PHLPP1: variants seen among roughly 807,000 people sequenced by gnomAD.
PHLPP1 encodes the protein PH domain leucine-rich repeat-containing protein phosphatase 1.
A neutral mutation model predicts 117.2 loss-of-function variants in PHLPP1; 42 were observed. The ratio of observed to expected loss-of-function variants is 0.36; its 90% CI spans 0.28 to 0.46. The LOEUF is 0.46. Among genes scored for constraint, PHLPP1 ranks in the 20% least tolerant of loss-of-function variants. The pLI is 1.00. For missense variants in PHLPP1, 2,084 were observed against 2,241.9 expected, an observed-to-expected ratio of 0.93 and a Z score of 1.42; for synonymous variants, 1,042 against 970.7, an observed-to-expected ratio of 1.07 and a Z score of -1.37.
rs1185914330 is a variant in PHLPP1 at position 62,766,077 on chromosome 18, ATATATATAT to A, written c.1576+48819_1576+48827del. Among the ~76,000 whole-genome samples the A allele has an allele frequency of 1.1e-3, 24 of 20,986 alleles. 5 individuals are homozygous for A. The South Asian group carries it at 0.031, about 27-fold the overall frequency. 13.8% of individuals were successfully genotyped at this position (20,986 alleles called of 152,430 possible). ...CTCCATCTCAAAAAAAAAAAAAAAA[ATATATATAT>A]ATATATATATATATATAAAATATAT... On this transcript the variant is annotated intron_variant, in intron 1 of 16. Transcript: ENST00000262719.
chr18:62,919,680 T>G (rs1427746626), intron 9 of PHLPP1, among the ~76,000 whole-genome samples: 1 of 152,214 alleles, frequency 6.6e-6, no homozygotes. Context: ...AAGCTTGCCT[T>G]GTGACCCTAA....
chr18:62,912,611 A>G (rs1274315414), intron 8 of PHLPP1, among the ~76,000 whole-genome samples: 2 of 151,952 alleles, frequency 1.3e-5, no homozygotes, highest in African/African-American at 4.8e-5. Context: ...AATATCTTGA[A>G]CAGTTCTTTT....
intron 3 of PHLPP1, 116 bp downstream of exon 3, chr18:62,839,025 A>G (rs1357636176): frequency 4.8e-6 from 5 of 1,043,284 alleles, no homozygotes; most frequent in Non-Finnish European, 6.9e-6. Flanking sequence ...TTTCCTCCCC[A>G]GATACTGCCA....
intron 1 of PHLPP1, among the ~76,000 whole-genome samples, chr18:62,825,105 C>A (rs927153445): frequency 1.3e-5 from 2 of 151,872 alleles, no homozygotes; most frequent in Admixed American, 1.3e-4. Context: ...ACTATGGGCG[C>A]CTGCCACCAC....
At chr18:62,853,171 G>T (rs1915403781) in intron 3 of PHLPP1, among the ~76,000 whole-genome samples, 1 of 151,900 alleles carries the variant, frequency 6.6e-6, no homozygotes. Context: ...ATATTTTGAG[G>T]ACCAAATGAA....
At chr18:62,777,755 C>T (rs970411230) in intron 1 of PHLPP1, among the ~76,000 whole-genome samples, 5 of 152,060 alleles carry the variant, frequency 3.3e-5, no homozygotes, top group African/African-American at 1.2e-4. Flanking sequence ...AGGACTCATC[C>T]CCTTCCCCCA....
intron 3 of PHLPP1, among the ~76,000 whole-genome samples, chr18:62,846,881 C>G (rs1398584877): frequency 6.6e-6 from 1 of 152,048 alleles, no homozygotes; most frequent in African/African-American, 2.4e-5. Context: ...TCATCTATAC[C>G]TGTCTTATTT....
At chr18:62,925,081 C>T (rs1909584781) in intron 10 of PHLPP1, among the ~76,000 whole-genome samples, 1 of 151,872 alleles carries the variant, frequency 6.6e-6, no homozygotes. Flanking sequence ...GATGGAAACC[C>T]CAAAAGAGTT....
At chr18:62,940,231 CA>C (rs1159619023) in intron 10 of PHLPP1, among the ~76,000 whole-genome samples, 1 of 149,830 alleles carries the variant, frequency 6.7e-6, no homozygotes, top group Admixed American at 6.6e-5. Context: ...CCCAGCTTTG[CA>C]ATGTGCATTT....
intron 1 of PHLPP1, among the ~76,000 whole-genome samples, chr18:62,759,462 A>G (rs796330391): frequency 2.7e-4 from 41 of 152,336 alleles, no homozygotes; most frequent in Admixed American, 9.8e-4. Flanking sequence ...CAGAGGATGC[A>G]TAGAGAGATG....
At chr18:62,826,154 ATTTG>A (rs1438617741) in intron 1 of PHLPP1, 1 of 312,908 alleles carries the variant, frequency 3.2e-6, no homozygotes, top group East Asian at 8.2e-5. Flanking sequence ...ATATTTATTT[ATTTG>A]TTTTTTTTTT....
At chr18:62,731,814 G>A (rs1372239810) in intron 1 of PHLPP1, among the ~76,000 whole-genome samples, 1 of 152,188 alleles carries the variant, frequency 6.6e-6, no homozygotes, top group Non-Finnish European at 1.5e-5. Context: ...TGCTGATATG[G>A]AGAACGTTTT....
chr18:62,879,650 T>C (rs1320291742), intron 4 of PHLPP1, among the ~76,000 whole-genome samples: 1 of 152,150 alleles, frequency 6.6e-6, no homozygotes, highest in Non-Finnish European at 1.5e-5. Context: ...CCTCGTGATC[T>C]GCCCACCTTG....
intron 1 of PHLPP1, among the ~76,000 whole-genome samples, chr18:62,752,475 T>G (rs1911888375): frequency 6.6e-6 from 1 of 152,228 alleles, no homozygotes. Context: ...GCTGAATTGT[T>G]GTTATATCTC....
chr18:62,747,349 A>G (rs1911708357), intron 1 of PHLPP1, among the ~76,000 whole-genome samples: 1 of 137,516 alleles, frequency 7.3e-6, no homozygotes, highest in South Asian at 2.3e-4. Context: ...CAGTGGAATG[A>G]TCTTGGCTCA....
intron 14 of PHLPP1, among the ~76,000 whole-genome samples, chr18:62,966,465 A>ATTTTT (rs3087157): frequency 4.6e-5 from 5 of 109,048 alleles, no homozygotes; most frequent in Admixed American, 2.1e-4. Context: ...AGTTCTACAA[A>ATTTTT]TTTTTTTTTT....
intron 1 of PHLPP1, among the ~76,000 whole-genome samples, chr18:62,732,402 A>G (rs1270553391): frequency 6.6e-6 from 1 of 152,212 alleles, no homozygotes; most frequent in Non-Finnish European, 1.5e-5. Flanking sequence ...ACCTGTTTGT[A>G]GCATTATTTA....
chr18:62,962,400 C>T (rs530452583), intron 13 of PHLPP1, among the ~76,000 whole-genome samples: 1 of 152,304 alleles, frequency 6.6e-6, no homozygotes, highest in East Asian at 1.9e-4. Flanking sequence ...CTCCACCTCC[C>T]GAGTTCAAGT....
intron 1 of PHLPP1, among the ~76,000 whole-genome samples, chr18:62,769,979 A>G (rs779373482): frequency 3.3e-5 from 5 of 152,228 alleles, no homozygotes; most frequent in African/African-American, 1.2e-4. Context: ...GGAGGCCATC[A>G]TCTTTCCTCC....
Sources: gnomAD v4.1 joint callset for allele counts (sites outside exome capture counted in the v4.1 genomes callset) on GRCh38, gnomAD v4.1.1 for gene constraint, MANE v1.5 for transcripts, NCBI Gene and HGNC (gene_info 2026-07-23, HGNC 2026-07-21) for gene names.